CTIF: variants seen among roughly 807,000 people sequenced by gnomAD.
CTIF encodes cap binding complex dependent translation initiation factor, also known as CBP80/20-dependent translation initiation factor.
CTIF carries 21 observed loss-of-function variants against 66.0 expected under a neutral mutation model. That is an observed-to-expected ratio of 0.32 (90% CI 0.23 to 0.46). The LOEUF is 0.46. Ranked by LOEUF, CTIF falls within the 20% of genes least tolerant of loss-of-function variation. CTIF has a pLI of 1.00. For synonymous variants in CTIF, 345 were observed against 326.4 expected, an observed-to-expected ratio of 1.06 and a Z score of -0.62; for missense variants, 739 against 812.7, an observed-to-expected ratio of 0.91 and a Z score of 1.10.
At chr18:48,707,049 G>A (rs1400062852) in intron 6 of CTIF, among the ~76,000 whole-genome samples, 1 of 152,192 alleles carries the variant, frequency 6.6e-6, no homozygotes, top group Non-Finnish European at 1.5e-5. Context: ...TCTGACTCAG[G>A]TAGACCAGAC....
chr18:48,841,881 G>A (rs976150202), intron 10 of CTIF, among the ~76,000 whole-genome samples: 1 of 152,110 alleles, frequency 6.6e-6, no homozygotes, highest in African/African-American at 2.4e-5. Context: ...GAGCTCCAAC[G>A]CCCTTATCTC....
intron 1 of CTIF, among the ~76,000 whole-genome samples, chr18:48,560,012 A>C (rs2089116507): frequency 6.6e-6 from 1 of 152,172 alleles, no homozygotes; most frequent in Non-Finnish European, 1.5e-5. Context: ...CAAGAATATG[A>C]AAAAAACCAA....
intron 9 of CTIF, among the ~76,000 whole-genome samples, chr18:48,784,839 A>G (rs1317345433): frequency 6.6e-6 from 1 of 152,230 alleles, no homozygotes; most frequent in Non-Finnish European, 1.5e-5. Flanking sequence ...GCAGAGAAAC[A>G]TGTATGCACA....
intron 1 of CTIF, among the ~76,000 whole-genome samples, chr18:48,556,889 G>A (rs551161042): frequency 6.6e-6 from 1 of 152,302 alleles, no homozygotes; most frequent in African/African-American, 2.4e-5. Context: ...GTGACCTTAG[G>A]AGAGTTAATT....
At chr18:48,823,257 G>GC (rs1267720512) in intron 10 of CTIF, among the ~76,000 whole-genome samples, 1 of 151,214 alleles carries the variant, frequency 6.6e-6, no homozygotes, top group Non-Finnish European at 1.5e-5. Flanking sequence ...ACGTCAAGAT[G>GC]CTTTTTCTTT....
chr18:48,547,047 G>A lies in CTIF; in HGVS notation c.-29+7735G>A, dbSNP rs947723815. ...AGTCTGGGGCTCTTTGCCCTTTGCT[G>A]ACTTAAATCTCCACCTTGGGAGATG... On this transcript the variant is annotated intron_variant, in intron 1 of 11. Transcript: ENST00000256413. Among the ~76,000 whole-genome samples the A allele has an allele frequency of 2.6e-5, 4 of 152,264 alleles. No individual in the cohort carries two copies. The East Asian group carries it at 7.7e-4, about 29-fold the overall frequency.
chr18:48,664,102 C>G (rs972871965), intron 4 of CTIF, among the ~76,000 whole-genome samples: 1 of 152,136 alleles, frequency 6.6e-6, no homozygotes, highest in African/African-American at 2.4e-5. Flanking sequence ...GTGGCCGGGT[C>G]GTCACTTTGA....
chr18:48,578,700 C>G (rs115775258), intron 1 of CTIF, among the ~76,000 whole-genome samples: 3,095 of 152,192 alleles, frequency 0.02, 106 homozygotes, highest in African/African-American at 0.071. Context: ...GGTTATTTGT[C>G]TTTTTATTGT....
intron 9 of CTIF, among the ~76,000 whole-genome samples, chr18:48,767,464 T>C (rs1051616325): frequency 6.6e-6 from 1 of 152,160 alleles, no homozygotes; most frequent in Non-Finnish European, 1.5e-5. Context: ...TTGAAATGTG[T>C]GTGCTCTGTT....
intron 1 of CTIF, among the ~76,000 whole-genome samples, chr18:48,568,600 A>T (rs4349219): frequency 7.1e-6 from 1 of 140,542 alleles, no homozygotes; most frequent in African/African-American, 2.7e-5. Context: ...TTTTTATATC[A>T]CTATGAAGAA....
intron 2 of CTIF, 130 bp downstream of exon 2, chr18:48,619,875 G>C (rs1234055048): frequency 6.5e-6 from 6 of 922,588 alleles, no homozygotes; most frequent in Non-Finnish European, 9.0e-6. Flanking sequence ...ACCCAGCAGA[G>C]CACCCAGAAT....
At chr18:48,548,553 A>G (rs1174272844) in intron 1 of CTIF, among the ~76,000 whole-genome samples, 1 of 152,254 alleles carries the variant, frequency 6.6e-6, no homozygotes, top group Non-Finnish European at 1.5e-5. Flanking sequence ...CAGATTGGGT[A>G]ATAAAGAGCA....
At chr18:48,678,367 A>G (rs190749537) in intron 6 of CTIF, among the ~76,000 whole-genome samples, 1 of 152,088 alleles carries the variant, frequency 6.6e-6, no homozygotes, top group East Asian at 1.9e-4. Context: ...AGCAGCCATC[A>G]AGGAGGGGGT....
At chr18:48,797,388 C>A (rs2067945208) in intron 9 of CTIF, among the ~76,000 whole-genome samples, 1 of 151,496 alleles carries the variant, frequency 6.6e-6, no homozygotes, top group Non-Finnish European at 1.5e-5. Context: ...GAGGCTGAGG[C>A]ACGAGAATCA....
Position 48,682,263 on chromosome 18 carries a change from A to G in CTIF, c.507+11519A>G, listed in dbSNP as rs564323213. 1.6e-4 allele frequency among the ~76,000 whole-genome samples: 24 copies of G among 152,220 alleles called. No individual in the cohort carries two copies. The South Asian group carries it at 2.1e-3, about 13-fold the overall frequency. Reference sequence around the variant, plus strand: ...TGGTACACATGCATGCCTCACCCACACATGCATCTCTCCCTGAAACACACA... The same window carrying G: ...TGGTACACATGCATGCCTCACCCACGCATGCATCTCTCCCTGAAACACACA... On this transcript the variant is annotated intron_variant, in intron 6 of 11. Transcript: ENST00000256413.
At chr18:48,643,960 A>C (rs989371162) in intron 3 of CTIF, among the ~76,000 whole-genome samples, 1 of 152,162 alleles carries the variant, frequency 6.6e-6, no homozygotes, top group African/African-American at 2.4e-5. Context: ...CTGCTTCAGA[A>C]GGCATCTCAG....
intron 9 of CTIF, among the ~76,000 whole-genome samples, chr18:48,804,547 G>A (rs1017334081): frequency 6.6e-6 from 1 of 152,228 alleles, no homozygotes; most frequent in African/African-American, 2.4e-5. Context: ...CCAGGTCCGA[G>A]GCAGGCTTTG....
intron 7 of CTIF, among the ~76,000 whole-genome samples, chr18:48,741,142 G>T (rs2092549265): frequency 6.6e-6 from 1 of 152,146 alleles, no homozygotes; most frequent in Non-Finnish European, 1.5e-5. Context: ...GGTGGTTGTT[G>T]TTATTATTGT....
At chr18:48,743,492 A>G (rs60092042) in intron 7 of CTIF, among the ~76,000 whole-genome samples, 2,598 of 152,350 alleles carry the variant, frequency 0.017, 68 homozygotes, top group African/African-American at 0.059. Context: ...GTCAAACTTT[A>G]GCCTGCAGTT....
Sources: allele counts gnomAD v4.1 joint callset (sites outside exome capture counted in the v4.1 genomes callset), GRCh38; gene constraint gnomAD v4.1.1; transcripts MANE v1.5; gene names NCBI Gene and HGNC (gene_info 2026-07-23, HGNC 2026-07-21).